HEATR4: variants seen among roughly 807,000 people sequenced by gnomAD.
HEATR4 encodes HEAT repeat-containing protein 4.
Under a neutral mutation model 108.8 loss-of-function variants are expected in HEATR4, and 95 were observed. The ratio of observed to expected loss-of-function variants is 0.87; its 90% CI spans 0.74 to 1.04. The LOEUF (loss-of-function observed/expected upper bound fraction) is 1.04. Ranked by LOEUF, HEATR4 falls within the 50% of genes least tolerant of loss-of-function variation. HEATR4 has a pLI of 0.00. For synonymous variants in HEATR4, 443 were observed against 459.4 expected (o/e 0.96, Z 0.46); for missense variants, 1,152 against 1,253.8 (o/e 0.92, Z 1.23).
intron 11 of HEATR4, among the ~76,000 whole-genome samples, chr14:73,501,979 T>G (rs1422791007): frequency 6.6e-6 from 1 of 151,296 alleles, no homozygotes; most frequent in Non-Finnish European, 1.5e-5. Context: ...TCTCCTGACC[T>G]TGTGATCCAC....
chr14:73,483,235 CTAATAA>C lies in HEATR4; in HGVS notation c.2845-4399_2845-4394del, dbSNP rs796662950. Among the ~76,000 whole-genome samples, 43 of 152,242 alleles carry C rather than the reference CTAATAA, an allele frequency of 2.8e-4. 3 individuals carry two copies. The highest frequency in any genetic ancestry group is 9.4e-4 in the African/African-American group (39 of 41,530). ...ATGGAAAATTGGAACATGAAGTATACTAATAATAATTGTAATGATTACCTGAAAGAA... is the reference window on the plus strand; with the variant it reads ...ATGGAAAATTGGAACATGAAGTATACTAATTGTAATGATTACCTGAAAGAA... On this transcript the variant is annotated intron_variant, in intron 17 of 17. Transcript: ENST00000553558.
At chr14:73,592,554 C>A in the HEATR4 span, 4 of 1,101,262 alleles carry the variant, frequency 3.6e-6, no homozygotes, top group Non-Finnish European at 5.0e-6. Context: ...GCCACTCTAC[C>A]AAAATAGAGG....
the HEATR4 span, among the ~76,000 whole-genome samples, chr14:73,579,747 A>G: frequency 6.6e-6 from 1 of 151,836 alleles, no homozygotes; most frequent in Admixed American, 6.6e-5. Flanking sequence ...GGGAACCACT[A>G]CGTAAACAAT....
chr14:73,569,770 A>G, the HEATR4 span: 51 of 1,606,910 alleles, frequency 3.2e-5, no homozygotes, highest in South Asian at 5.6e-4. Context: ...CACGACCCCG[A>G]CCCCGGGCGG....
At chr14:73,632,550 T>C in the HEATR4 span, among the ~76,000 whole-genome samples, 17,421 of 151,876 alleles carry the variant, frequency 0.11, 2,019 homozygotes, top group East Asian at 0.61. Context: ...AAAACAGAAA[T>C]GTAATATACT....
rs1220440739 is a variant in HEATR4 at position 73,492,425 on chromosome 14, A to G, written c.2844+641T>C. On this transcript the variant is annotated intron_variant, in intron 17 of 17. Transcript: ENST00000553558. The surrounding 1 kb of genome is among the most constrained non-coding windows in gnomAD (Gnocchi z 4.9). ...CATGGGGGCCCAGCATTCAGATTCT[A>G]AGGATCCGCGAAGAACCGCTTTCAT... is the stretch of plus-strand genomic sequence containing the variant. 7 of 1,613,604 alleles carry G rather than the reference A, an allele frequency of 4.3e-6. No individual in the cohort carries two copies. Among genetic ancestry groups the G allele is most frequent in the Non-Finnish European group, 5.9e-6 (7 of 1,179,776 alleles).
At chr14:73,601,691 G>A in the HEATR4 span, among the ~76,000 whole-genome samples, 1 of 152,164 alleles carries the variant, frequency 6.6e-6, no homozygotes, top group Non-Finnish European at 1.5e-5. Flanking sequence ...AGGGACTCAG[G>A]AAAGACAAGG....
intron 1 of HEATR4, among the ~76,000 whole-genome samples, chr14:73,547,941 G>A (rs914572110): frequency 8.8e-6 from 1 of 113,240 alleles, no homozygotes; most frequent in South Asian, 2.8e-4. Context: ...GGTTGTTTTT[G>A]TTTTTGTTTT....
At position 73,523,091 on chromosome 14, in the gene HEATR4, G is replaced by T. The variant is rs1261859851; in HGVS notation, c.62C>A (p.Pro21Gln). 3.1e-6 allele frequency: 5 copies of T among 1,611,596 alleles called. No homozygotes were observed. In the Middle Eastern group the frequency reaches 4.9e-4, roughly 160 times the overall value. ...LPHCFYQSLPPRLGWGMILNY... is the reference protein window; with the variant it reads ...LPHCFYQSLPQRLGWGMILNY... ...TAAAATCATGCCCCATCCCAGTCGT[G>T]GGGGCAGTGACTGATAGAAGCAATG... Residue 21 changes from proline (P) to glutamine (Q), a missense_variant, in exon 3 of 18, where the codon CCA becomes CAA. By Grantham distance (76) the Pro-to-Gln change is moderately conservative (BLOSUM62 -1). Transcript: ENST00000553558.
intron 7 of HEATR4, among the ~76,000 whole-genome samples, chr14:73,509,874 TTATTTTA>T (rs1887129807): frequency 7.2e-5 from 6 of 83,068 alleles, no homozygotes; most frequent in Non-Finnish European, 1.4e-4. Context: ...ATATATTTAT[TTATTTTA>T]TATATTTTTT....
At chr14:73,522,185 T>C (rs1888013561) in intron 3 of HEATR4, 87 bp downstream of exon 3, 1 of 1,382,708 alleles carries the variant, frequency 7.2e-7, no homozygotes, top group Non-Finnish European at 9.9e-7. Flanking sequence ...GAGTGCATTC[T>C]GAAATCGGGA....
chr14:73,563,108 C>T (rs1394549370), upstream of HEATR4, among the ~76,000 whole-genome samples: 1 of 152,002 alleles, frequency 6.6e-6, no homozygotes, highest in Admixed American at 6.6e-5. Context: ...TGGTCTGAGA[C>T]TCAGGTGGGC....
At position 73,498,084 on chromosome 14, in the gene HEATR4, A is replaced by G. The variant is rs1886207821; in HGVS notation, c.2546+71T>C. ...TTAGGTAGCCTGGAAAGGCAGGGAC[A>G]TATTCAATGAGCAAAGATGTGAGAG... On this transcript the variant is annotated intron_variant, in intron 14 of 17. Coordinates refer to ENST00000553558, the MANE Select transcript of HEATR4 (RefSeq NM_001220484.1). The G allele has an allele frequency of 2.1e-6, 3 of 1,417,198 alleles. 1 individual carries two copies. The Admixed American group carries it at 5.7e-5, about 27-fold the overall frequency. 87.8% of individuals were successfully genotyped at this position (1,417,198 alleles called of 1,614,324 possible). A position where few individuals can be genotyped will look rare whatever the true frequency, so the allele number is the denominator to read the frequency against.
the HEATR4 span, among the ~76,000 whole-genome samples, chr14:73,566,018 G>T: frequency 3.2e-4 from 49 of 151,930 alleles, no homozygotes; most frequent in Non-Finnish European, 7.4e-5. Flanking sequence ...AGACACAAAA[G>T]TTCTCCACGT....
the HEATR4 span, chr14:73,581,080 ACAGGTAATTAAC>A: frequency 3.3e-5 from 5 of 151,592 alleles, no homozygotes; most frequent in Non-Finnish European, 7.4e-5. Context: ...GAAAGGATTC[ACAGGTAATTAAC>A]CAGGTAATTC....
At chr14:73,586,133 C>T in the HEATR4 span, among the ~76,000 whole-genome samples, 1 of 151,812 alleles carries the variant, frequency 6.6e-6, no homozygotes, top group Non-Finnish European at 1.5e-5. Context: ...GTGGCTCAGG[C>T]CTGTAATCCC....
intron 17 of HEATR4, among the ~76,000 whole-genome samples, chr14:73,480,088 G>A (rs140738730): frequency 1.4e-3 from 208 of 152,184 alleles, no homozygotes; most frequent in African/African-American, 4.6e-3. Context: ...ATTATATGGC[G>A]TTATTACTAG....
Position 73,491,668 on chromosome 14 carries a change from C to T in HEATR4, c.2844+1398G>A, listed in dbSNP as rs778314813. 1.0e-4 allele frequency: 156 copies of T among 1,550,110 alleles called. 1 individual carries two copies. In the South Asian group the frequency reaches 1.4e-3, roughly 14 times the overall value. ...TCATCGCGCCCATGCCGCCAGATCACTTTTACCGGCGCCTATGGGAGCGCG... is the reference window on the plus strand; with the variant it reads ...TCATCGCGCCCATGCCGCCAGATCATTTTTACCGGCGCCTATGGGAGCGCG... On this transcript the variant is annotated intron_variant, in intron 17 of 17. Transcript: ENST00000553558.
At chr14:73,579,091 GAAAAA>G in the HEATR4 span, among the ~76,000 whole-genome samples, 1 of 94,146 alleles carries the variant, frequency 1.1e-5, no homozygotes, top group Admixed American at 1.2e-4. Context: ...TCAAAAAAAA[GAAAAA>G]AAAAAAAAAA....
Sources: gnomAD v4.1 joint callset for allele counts (sites outside exome capture counted in the v4.1 genomes callset) on GRCh38, gnomAD v4.1.1 for gene constraint, Gnocchi (gnomAD v3.1) non-coding constraint, MANE v1.5 for transcripts, NCBI Gene and HGNC (gene_info 2026-07-23, HGNC 2026-07-21) for gene names.